The following PARD6G variants were observed in gnomAD, a reference collection of about 807,000 sequenced individuals.
PARD6G encodes par-6 family cell polarity regulator gamma.
PARD6G carries 7 observed loss-of-function variants against 10.7 expected under a neutral mutation model. The observed-to-expected ratio is 0.66, with a 90% CI of 0.37 to 1.23. PARD6G has a LOEUF of 1.23. PARD6G is among the 50% of genes most tolerant of loss of function. The pLI, the probability that PARD6G is intolerant of heterozygous loss-of-function variation, is 0.02. For missense variants in PARD6G, 548 were observed against 571.8 expected, an observed-to-expected ratio of 0.96 and a Z score of 0.42; for synonymous variants, 287 against 269.4, an observed-to-expected ratio of 1.07 and a Z score of -0.64.
chr18:80,216,831 A>G (rs1389296049), intron 1 of PARD6G, among the ~76,000 whole-genome samples: 1 of 152,228 alleles, frequency 6.6e-6, no homozygotes, highest in Non-Finnish European at 1.5e-5. Context: ...TGGTTATTTG[A>G]AAATACTAAC....
intron 1 of PARD6G, 21 bp from the exon 2 acceptor site, chr18:80,202,953 T>TGGG: frequency 4.6e-6 from 1 of 216,866 alleles, no homozygotes; most frequent in South Asian, 3.2e-5. Context: ...AGAGACGGGG[T>TGGG]GGGGGGAGGG....
rs141501755 is a variant in PARD6G at position 80,181,180 on chromosome 18, G to C, written c.296-20574C>G. 9.5e-3 allele frequency among the ~76,000 whole-genome samples: 1,452 copies of C among 152,282 alleles called. 13 individuals are homozygous for C. Among genetic ancestry groups the C allele is most frequent in the Non-Finnish European group, 0.014 (944 of 68,016 alleles). ...AGTCTGTGTGGCAATGACACCCACA[G>C]ACAAGCCCTGCGTACACTGACCGTA... On this transcript the variant is annotated intron_variant, in intron 2 of 2. Transcript: ENST00000353265. The surrounding 1 kb of genome is among the most constrained non-coding windows in gnomAD (Gnocchi z 7.9).
Position 80,159,765 on chromosome 18 carries a change from G to T in PARD6G, c.*6C>A. On this transcript the variant is annotated 3_prime_UTR_variant, in exon 3 of 3. Transcript: ENST00000353265. Reference sequence around the variant, plus strand: ...TGGAGCTAGGATTTGGGGGCCTCTCGGGAGTCTAGAGCGTGACCGCGGGCC... The same window carrying T: ...TGGAGCTAGGATTTGGGGGCCTCTCTGGAGTCTAGAGCGTGACCGCGGGCC... The T allele has an allele frequency of 7.1e-7, 1 of 1,400,686 alleles. No homozygotes were observed. Among genetic ancestry groups the T allele is most frequent in the South Asian group, 1.7e-5 (1 of 60,352 alleles). The allele number at this position is 1,400,686 out of a possible 1,614,324, so 86.8% of individuals were successfully genotyped here.
intron 2 of PARD6G, among the ~76,000 whole-genome samples, chr18:80,195,709 C>T (rs1384883104): frequency 2.0e-5 from 3 of 150,052 alleles, no homozygotes; most frequent in Non-Finnish European, 4.4e-5. Context: ...CCTGTCTCTA[C>T]TAAAAATACA....
At chr18:80,224,580 G>A (rs2145296621) in intron 1 of PARD6G, among the ~76,000 whole-genome samples, 1 of 152,274 alleles carries the variant, frequency 6.6e-6, no homozygotes, top group South Asian at 2.1e-4. Flanking sequence ...GGGTGCGGTG[G>A]CTCACGCCTG....
Position 80,228,193 on chromosome 18 carries a change from G to A in PARD6G, c.72+19084C>T, listed in dbSNP as rs1967315509. On this transcript the variant is annotated intron_variant, in intron 1 of 2. Transcript: ENST00000353265. This position sits in a 1 kb window ranked among gnomAD's most constrained non-coding sequence, Gnocchi z 4.6. ...AGGCCTCTGAGCACAGCTGGAAAAG[G>A]GCCCGACCTGGTGCTCAGGAAGTCA... Among the ~76,000 whole-genome samples, 1 of 152,144 alleles carries A rather than the reference G, an allele frequency of 6.6e-6. No homozygotes were observed. Among genetic ancestry groups the A allele is most frequent in the East Asian group, 1.9e-4 (1 of 5,182 alleles).
rs146093697 is a variant in PARD6G at position 80,194,588 on chromosome 18, C to G, written c.295+8122G>C. Reference sequence around the variant, plus strand: ...TCAACGTGCATGAGCTATGGACATTCACCCCCCCGAGATCTTAGTTCCGTG... The same window carrying G: ...TCAACGTGCATGAGCTATGGACATTGACCCCCCCGAGATCTTAGTTCCGTG... On this transcript the variant is annotated intron_variant, in intron 2 of 2. Transcript: ENST00000353265. Among the ~76,000 whole-genome samples, 799 of 152,188 alleles carry G rather than the reference C, an allele frequency of 5.3e-3. 4 individuals are homozygous for G. The highest frequency in any genetic ancestry group is 8.2e-3 in the Non-Finnish European group (560 of 68,018).
intron 2 of PARD6G, among the ~76,000 whole-genome samples, chr18:80,202,230 C>A (rs1345589652): frequency 6.6e-6 from 1 of 152,176 alleles, no homozygotes; most frequent in Non-Finnish European, 1.5e-5. Context: ...TAGGGCACCC[C>A]TTCCCTTTCA....
rs532807154 is a variant in PARD6G at position 80,237,439 on chromosome 18, G to A, written c.72+9838C>T. ...GCAATACCATTCAGGACATAGGCAT[G>A]GGCAAGGACTTCATGTCTAAAACAC... On this transcript the variant is annotated intron_variant, in intron 1 of 2. Coordinates refer to ENST00000353265, the MANE Select transcript of PARD6G (RefSeq NM_032510.4). Among the ~76,000 whole-genome samples the A allele has an allele frequency of 3.9e-5, 6 of 152,294 alleles. No individual in the cohort carries two copies. The East Asian group carries it at 1.2e-3, about 29-fold the overall frequency.
intron 2 of PARD6G, chr18:80,197,354 T>C (rs774231975): frequency 1.3e-5 from 2 of 152,242 alleles, no homozygotes; most frequent in Non-Finnish European, 2.9e-5. Flanking sequence ...TTCCTTTTTC[T>C]AGTAACTCAC....
rs754490795 is a variant in PARD6G, at chr18:80,160,131, C to G, written c.771G>C (p.Val257=). 16 of 1,612,714 alleles carry G rather than the reference C, an allele frequency of 9.9e-6. No homozygotes were observed. The highest frequency in any genetic ancestry group is 1.4e-5 in the Non-Finnish European group (16 of 1,179,600). The part of the protein sequence containing the change: ...VKPANQRNNV[V]RGGRALGSSG... ...AGCTGCCCAACGCGCGGCCGCCGCG[C>G]ACCACGTTGTTGCGCTGGTTGGCGG... The change falls in exon 3 of 3, where the codon GTG becomes GTC. Residue 257 remains valine, a synonymous_variant. Transcript: ENST00000353265.
At position 80,247,189 on chromosome 18, in the gene PARD6G, CA is replaced by C. The variant is rs1238303615; in HGVS notation, c.72+87del. On this transcript the variant is annotated intron_variant, in intron 1 of 2. Coordinates refer to ENST00000353265, the MANE Select transcript of PARD6G (RefSeq NM_032510.4). This position sits in a 1 kb window ranked among gnomAD's most constrained non-coding sequence, Gnocchi z 4.2. ...AGTTGTCGCCGGCGCCTGTCGCCTC[CA>C]CGCCGCCCCAGTCCCCCTCCGCGGG... 7 of 1,117,764 alleles carry C rather than the reference CA, an allele frequency of 6.3e-6. No homozygotes were observed. Among genetic ancestry groups the C allele is most frequent in the Non-Finnish European group, 8.7e-6 (7 of 805,984 alleles). The allele number at this position is 1,117,764 out of a possible 1,614,324, so 69.2% of individuals were successfully genotyped here.
At chr18:80,213,519 G>T (rs1967129072) in intron 1 of PARD6G, among the ~76,000 whole-genome samples, 5 of 152,174 alleles carry the variant, frequency 3.3e-5, no homozygotes. Context: ...CTAATCATTA[G>T]CTGAACACTC....
chr18:80,187,075 G>A (rs556584622), intron 2 of PARD6G, among the ~76,000 whole-genome samples: 2 of 151,634 alleles, frequency 1.3e-5, no homozygotes, highest in African/African-American at 4.9e-5. Flanking sequence ...CCAGCCTGGG[G>A]GACAGAGTAA....
rs1967316714 is a variant in PARD6G, at chr18:80,228,236, G to A, written c.72+19041C>T. On this transcript the variant is annotated intron_variant, in intron 1 of 2. Coordinates refer to ENST00000353265, the MANE Select transcript of PARD6G (RefSeq NM_032510.4). The surrounding 1 kb of genome is among the most constrained non-coding windows in gnomAD (Gnocchi z 4.6). ...GGAAGTCACATCCCACGGGGGAGAC[G>A]GCAGCGAGCAGAGAGACCCCAAGTG... 6.6e-6 allele frequency among the ~76,000 whole-genome samples: 1 copy of A among 152,212 alleles called. No individual in the cohort carries two copies. Among genetic ancestry groups the A allele is most frequent in the South Asian group, 2.1e-4 (1 of 4,820 alleles).
At chr18:80,176,944 T>A (rs570296807) in intron 2 of PARD6G, among the ~76,000 whole-genome samples, 1 of 135,840 alleles carries the variant, frequency 7.4e-6, no homozygotes, top group South Asian at 2.5e-4. Context: ...ATGGGAAGCA[T>A]GCATGCACAC....
intron 1 of PARD6G, among the ~76,000 whole-genome samples, chr18:80,221,694 T>TCGAC (rs1290254487): frequency 6.6e-6 from 1 of 152,196 alleles, no homozygotes; most frequent in Non-Finnish European, 1.5e-5. Context: ...TACTGTAGTT[T>TCGAC]CGACCCAGGA....
At chr18:80,173,363 G>A (rs1026547224) in intron 2 of PARD6G, among the ~76,000 whole-genome samples, 2 of 152,136 alleles carry the variant, frequency 1.3e-5, no homozygotes, top group African/African-American at 2.4e-5. Context: ...GGTGGCTCAC[G>A]TCTGTAATCC....
chr18:80,194,029 T>C (rs1966926412), intron 2 of PARD6G, among the ~76,000 whole-genome samples: 1 of 152,234 alleles, frequency 6.6e-6, no homozygotes, highest in Admixed American at 6.5e-5. Flanking sequence ...AAGAAACTGC[T>C]GTGCAAGAGG....
Sources: gnomAD v4.1 joint callset for allele counts (sites outside exome capture counted in the v4.1 genomes callset) on GRCh38, gnomAD v4.1.1 for gene constraint, Gnocchi (gnomAD v3.1) non-coding constraint, MANE v1.5 for transcripts, NCBI Gene and HGNC (gene_info 2026-07-23, HGNC 2026-07-21) for gene names.